DSG2: variants seen among roughly 807,000 people sequenced by gnomAD.
DSG2 encodes the protein desmoglein-2.
A neutral mutation model predicts 75.6 loss-of-function variants in DSG2; 45 were observed. That is an observed-to-expected ratio of 0.60 (90% CI 0.47 to 0.76). DSG2 has a LOEUF of 0.76. Among genes scored for constraint, DSG2 ranks in the 30% least tolerant of loss-of-function variants. DSG2 has a pLI of 0.00. For synonymous variants in DSG2, 429 were observed against 483.9 expected (o/e 0.89, Z 1.49); for missense variants, 1,267 against 1,357.4 (o/e 0.93, Z 1.05).
At chr18:31,523,277 T>C (rs2073140402) in intron 6 of DSG2, among the ~76,000 whole-genome samples, 1 of 152,072 alleles carries the variant, frequency 6.6e-6, no homozygotes, top group African/African-American at 2.4e-5. Flanking sequence ...GGCGGGCACC[T>C]GTAGTCCCAG....
At chr18:31,506,331 GA>G (rs1039336133) in intron 1 of DSG2, among the ~76,000 whole-genome samples, 2 of 151,942 alleles carry the variant, frequency 1.3e-5, no homozygotes, top group Non-Finnish European at 2.9e-5. Context: ...TTCTAGAAAG[GA>G]AAAAAACAAG....
rs375539435 is a variant in DSG2, at chr18:31,545,726, G to A, written c.2340G>A (p.Ala780=). ...EFLRNYFTDK[A]ASYTEEDENH... ...TTGTTTTGTTTTCATTTTAGAAAGCGGCCTCTTACACTGAGGAAGATGAAA... is the reference window on the plus strand; with the variant it reads ...TTGTTTTGTTTTCATTTTAGAAAGCAGCCTCTTACACTGAGGAAGATGAAA... Residue 780 remains alanine, a synonymous_variant, in exon 15 of 15, where the codon GCG becomes GCA. Transcript: ENST00000261590. 9.9e-6 allele frequency: 16 copies of A among 1,613,432 alleles called. No homozygotes were observed. The highest frequency in any genetic ancestry group is 5.5e-5 in the South Asian group (5 of 91,076).
chr18:31,503,241 AAATGGGTAACGATAAGAAGAGTAAT>A (rs2073022798), intron 1 of DSG2, among the ~76,000 whole-genome samples: 1 of 152,246 alleles, frequency 6.6e-6, no homozygotes, highest in African/African-American at 2.4e-5. Context: ...GCTAACTTCC[AAATGGGTAACGATAAGAAGAGTAAT>A]AATAGAGAAA....
At chr18:31,526,547 C>G (rs907802085) in intron 8 of DSG2, among the ~76,000 whole-genome samples, 2 of 152,084 alleles carry the variant, frequency 1.3e-5, no homozygotes, top group African/African-American at 4.8e-5. Context: ...TCATGTCATT[C>G]GAGACAAAAT....
intron 1 of DSG2, among the ~76,000 whole-genome samples, chr18:31,512,896 C>T (rs1263542648): frequency 6.6e-6 from 1 of 152,196 alleles, no homozygotes; most frequent in East Asian, 1.9e-4. Context: ...TATTGTGTTA[C>T]TTAACATATC....
In DSG2 at chr18:31,498,233, A is replaced by G; in HGVS notation, c.-19A>G. 1 of 1,251,592 alleles carries G rather than the reference A, an allele frequency of 8.0e-7. No individual in the cohort carries two copies. The highest frequency in any genetic ancestry group is 1.0e-6 in the Non-Finnish European group (1 of 995,526). 77.5% of individuals were successfully genotyped at this position (1,251,592 alleles called of 1,614,324 possible). ...CGGCGCGGAGCGGTGCGGCGGCGGG[A>G]GGCGGAGGCGAGGGTGCGATGGCGC... On this transcript the variant is annotated 5_prime_UTR_variant, in exon 1 of 15. Transcript: ENST00000261590.
chr18:31,537,366 T>C (rs1006865975), intron 11 of DSG2, among the ~76,000 whole-genome samples: 1 of 152,342 alleles, frequency 6.6e-6, no homozygotes, highest in East Asian at 1.9e-4. Flanking sequence ...ACGCCTGTAA[T>C]CCCAGCACTT....
At chr18:31,528,393 C>T (rs1250827109) in intron 8 of DSG2, among the ~76,000 whole-genome samples, 1 of 152,118 alleles carries the variant, frequency 6.6e-6, no homozygotes, top group Non-Finnish European at 1.5e-5. Flanking sequence ...CTGATACAAG[C>T]TACAACACGG....
chr18:31,545,349 A>G (rs2073297407), intron 14 of DSG2, among the ~76,000 whole-genome samples: 1 of 152,238 alleles, frequency 6.6e-6, no homozygotes, highest in African/African-American at 2.4e-5. Context: ...ACTATAGTAC[A>G]GTTAACAAAT....
In DSG2 at chr18:31,546,560, A is replaced by G. The variant is rs2073312645; in HGVS notation, c.3174A>G (p.Gln1058=). The change falls in exon 15 of 15, where the codon CAA becomes CAG. Residue 1058 remains glutamine (Q), a synonymous_variant. Transcript: ENST00000261590. The part of the protein sequence containing the change: ...ERVLAPASTL[Q]SSYQIPTENS... ...TTCTAGCACCTGCTTCCACTCTGCA[A>G]TCCAGTTACCAGATTCCCACTGAAA... 2.5e-6 allele frequency: 4 copies of G among 1,614,182 alleles called. No individual in the cohort carries two copies. The highest frequency in any genetic ancestry group is 3.4e-6 in the Non-Finnish European group (4 of 1,180,038).
In DSG2 at chr18:31,546,902, G is replaced by C; in HGVS notation, c.*159G>C. ...TCACTGATATGCAAAGGACCACACTGTCTCTGCTTCCAGGAGTATTTTAGA... is the reference window on the plus strand; with the variant it reads ...TCACTGATATGCAAAGGACCACACTCTCTCTGCTTCCAGGAGTATTTTAGA... On this transcript the variant is annotated 3_prime_UTR_variant, in exon 15 of 15. Coordinates refer to ENST00000261590, the MANE Select transcript of DSG2 (RefSeq NM_001943.5). The C allele has an allele frequency of 2.6e-6, 2 of 761,710 alleles. No homozygotes were observed. The highest frequency in any genetic ancestry group is 2.3e-6 in the Non-Finnish European group (1 of 434,450). 47.2% of individuals were successfully genotyped at this position (761,710 alleles called of 1,614,324 possible). A position where few individuals can be genotyped will look rare whatever the true frequency, so the allele number is the denominator to read the frequency against.
chr18:31,521,208 T>C lies in DSG2; in HGVS notation c.488T>C (p.Val163Ala). The C allele has an allele frequency of 6.2e-7, 1 of 1,613,792 alleles. No individual in the cohort carries two copies. Among genetic ancestry groups the C allele is most frequent in the Non-Finnish European group, 8.5e-7 (1 of 1,179,892 alleles). Residue 163 changes from valine (V) to alanine (A), a missense_variant, in exon 5 of 15, where the codon GTC becomes GCC. Physicochemically the swap from Val to Ala is moderately conservative, Grantham distance 64. Transcript: ENST00000261590. Reference protein sequence around the residue: ...NDNEPVFTQDVFVGSVEELSA... With the variant: ...NDNEPVFTQDAFVGSVEELSA... ...AACGAACCAGTGTTCACACAGGATG[T>C]CTTTGTTGGGTCTGTTGAAGAGTTG...
rs756635006 is a variant in DSG2 at position 31,519,891 on chromosome 18, C to T, written c.170C>T (p.Ala57Val). 6.2e-7 allele frequency: 1 copy of T among 1,614,176 alleles called. No individual in the cohort carries two copies. The highest frequency in any genetic ancestry group is 1.7e-5 in the Admixed American group (1 of 60,030). ...QKRAWITAPV[A>V]LREGEDLSKK... is the part of the protein sequence containing the mutation. ...CGCGCCTGGATCACCGCCCCCGTGG[C>T]TCTTCGGGAGGGAGAGGATCTGTCC... The change falls in exon 3 of 15, where the codon GCT becomes GTT. Residue 57 changes from alanine to valine, a missense_variant. By Grantham distance (64) the Ala-to-Val change is moderately conservative. Transcript: ENST00000261590.
intron 1 of DSG2, among the ~76,000 whole-genome samples, chr18:31,513,680 G>A (rs2073078686): frequency 6.6e-6 from 1 of 152,168 alleles, no homozygotes; most frequent in Admixed American, 6.6e-5. Flanking sequence ...TTGTCTGGCA[G>A]GATCTCCTCC....
At position 31,547,104 on chromosome 18, in the gene DSG2, A is replaced by AACTG; in HGVS notation, c.*366_*369dup. The AACTG allele has an allele frequency of 2.7e-6, 1 of 371,684 alleles. No homozygotes were observed. Among genetic ancestry groups the AACTG allele is most frequent in the Non-Finnish European group, 5.1e-6 (1 of 194,602 alleles). The allele number at this position is 371,684 out of a possible 1,614,324, so 23.0% of individuals were successfully genotyped here. ...AGCCGTCCAGTAAAGCAACCCAGGA[A>AACTG]ACTGACTGGGTCTCTTTGCCTACCG... On this transcript the variant is annotated 3_prime_UTR_variant, in exon 15 of 15. Coordinates refer to ENST00000261590, the MANE Select transcript of DSG2 (RefSeq NM_001943.5).
intron 12 of DSG2, among the ~76,000 whole-genome samples, chr18:31,540,358 A>G (rs917638072): frequency 2.0e-5 from 3 of 152,212 alleles, no homozygotes; most frequent in African/African-American, 4.8e-5. Flanking sequence ...ATACAGATAC[A>G]TAACGGTAAA....
In DSG2 at chr18:31,547,779, C is replaced by G. The variant is rs191443311; in HGVS notation, c.*1036C>G. ...CCAAATTCAGTTGAATAATCCAAAA[C>G]AAAATTTATAAGTATAAAATAATTT... On this transcript the variant is annotated 3_prime_UTR_variant, in exon 15 of 15. Coordinates refer to ENST00000261590, the MANE Select transcript of DSG2 (RefSeq NM_001943.5). 46 of 152,012 alleles carry G rather than the reference C, an allele frequency of 3.0e-4. No homozygotes were observed. The highest frequency in any genetic ancestry group is 1.1e-3 in the African/African-American group (46 of 41,448). 9.4% of individuals were successfully genotyped at this position (152,012 alleles called of 1,614,324 possible). A position where few individuals can be genotyped will look rare whatever the true frequency, so the allele number is the denominator to read the frequency against.
intron 8 of DSG2, among the ~76,000 whole-genome samples, chr18:31,529,718 C>T (rs2073182987): frequency 6.6e-6 from 1 of 152,096 alleles, no homozygotes; most frequent in Admixed American, 6.5e-5. Flanking sequence ...GTAAACATGC[C>T]TAATATATTT....
At chr18:31,514,637 A>G (rs1444483446) in intron 1 of DSG2, among the ~76,000 whole-genome samples, 3 of 152,190 alleles carry the variant, frequency 2.0e-5, no homozygotes, top group African/African-American at 7.2e-5. Flanking sequence ...AACCCACAAC[A>G]TTGCTATCAT....
Sources: allele counts gnomAD v4.1 joint callset (sites outside exome capture counted in the v4.1 genomes callset), GRCh38; gene constraint gnomAD v4.1.1; transcripts MANE v1.5; gene names NCBI Gene and HGNC (gene_info 2026-07-23, HGNC 2026-07-21).